Variants in CACNA2D1 observed in about 807,000 individuals in gnomAD.
The protein encoded by CACNA2D1 is calcium voltage-gated channel auxiliary subunit alpha2delta 1, also known as voltage-dependent calcium channel subunit alpha-2/delta-1.
CACNA2D1 carries 53 observed loss-of-function variants against 171.5 expected under a neutral mutation model. The observed-to-expected ratio is 0.31, with a 90% confidence interval of 0.25 to 0.39. The LOEUF is 0.39. Ranked by LOEUF, CACNA2D1 falls within the 10% of genes least tolerant of loss-of-function variation. The probability of loss-of-function intolerance (pLI) is 1.00; values close to 1 mark genes in which losing one functional copy is unlikely to be tolerated. For synonymous variants in CACNA2D1, 442 were observed against 443.1 expected (o/e 1.00, Z 0.03); for missense variants, 903 against 1,299.8 (o/e 0.69, Z 4.69).
At chr7:82,263,029 A>C (rs1807330561) in intron 3 of CACNA2D1, among the ~76,000 whole-genome samples, 1 of 151,596 alleles carries the variant, frequency 6.6e-6, no homozygotes, top group East Asian at 1.9e-4. Context: ...CATTGAACCT[A>C]AGCATAAAAA....
chr7:82,166,933 G>T (rs1481841574), intron 4 of CACNA2D1, among the ~76,000 whole-genome samples: 6 of 152,010 alleles, frequency 3.9e-5, no homozygotes, highest in Non-Finnish European at 8.8e-5. Flanking sequence ...TTTGCCTTTT[G>T]TTCTTGTTGT....
At chr7:82,382,698 C>T (rs747761117) in intron 1 of CACNA2D1, among the ~76,000 whole-genome samples, 1 of 152,146 alleles carries the variant, frequency 6.6e-6, no homozygotes, top group African/African-American at 2.4e-5. Context: ...CTCCATAATG[C>T]GCTTTGTGAA....
intron 3 of CACNA2D1, among the ~76,000 whole-genome samples, chr7:82,186,457 A>G (rs1288339614): frequency 6.6e-6 from 1 of 152,126 alleles, no homozygotes; most frequent in Non-Finnish European, 1.5e-5. Flanking sequence ...CAAGGAAATG[A>G]CACTTCGATG....
intron 10 of CACNA2D1, among the ~76,000 whole-genome samples, chr7:82,041,262 T>G (rs1053347902): frequency 6.6e-6 from 1 of 151,678 alleles, no homozygotes. Context: ...ATGCAGGAAA[T>G]AGAAGAGAGG....
intron 6 of CACNA2D1, among the ~76,000 whole-genome samples, chr7:82,089,297 C>T (rs7800392): frequency 0.15 from 22,995 of 152,112 alleles, 2,072 homozygotes; most frequent in Middle Eastern, 0.24. Flanking sequence ...AACCTACTAC[C>T]AGTTGCTGAC....
intron 3 of CACNA2D1, among the ~76,000 whole-genome samples, chr7:82,198,691 T>C (rs1296696748): frequency 6.6e-6 from 1 of 151,104 alleles, no homozygotes; most frequent in Non-Finnish European, 1.5e-5. Context: ...TTTAAGTGGA[T>C]ACCCTTGCTT....
intron 6 of CACNA2D1, among the ~76,000 whole-genome samples, chr7:82,097,699 C>T (rs181047234): frequency 6.6e-6 from 1 of 152,188 alleles, no homozygotes; most frequent in East Asian, 1.9e-4. Flanking sequence ...TGCATCTTAG[C>T]CATGAAGTGT....
intron 3 of CACNA2D1, among the ~76,000 whole-genome samples, chr7:82,201,659 C>A (rs912823441): frequency 1.3e-5 from 2 of 152,160 alleles, no homozygotes; most frequent in Non-Finnish European, 2.9e-5. Context: ...TGAACAGAGG[C>A]TCCTCAGAGG....
At chr7:82,138,259 A>C (rs1054208041) in intron 4 of CACNA2D1, among the ~76,000 whole-genome samples, 1 of 152,146 alleles carries the variant, frequency 6.6e-6, no homozygotes, top group African/African-American at 2.4e-5. Flanking sequence ...AAAATGATAT[A>C]AATATCACAG....
At position 82,219,793 on chromosome 7, in the gene CACNA2D1, C is replaced by A. The variant is rs890630902; in HGVS notation, c.295-49184G>T. Among the ~76,000 whole-genome samples the A allele has an allele frequency of 2.0e-5, 3 of 152,002 alleles. No individual in the cohort carries two copies. In the East Asian group the frequency reaches 5.8e-4, roughly 29 times the overall value. On this transcript the variant is annotated intron_variant, in intron 3 of 38. Transcript: ENST00000356860. ...TATCTAAGCACATTTCTCATCTATG[C>A]CTTATGATTTAGTTTTATCTTATTC...
rs1346875167 is a variant in CACNA2D1, at chr7:81,946,467, T to G, written c.*3925A>C. 6.6e-6 allele frequency: 1 copy of G among 152,168 alleles called. No individual in the cohort carries two copies. The highest frequency in any genetic ancestry group is 2.4e-5 in the African/African-American group (1 of 41,454). 9.4% of individuals were successfully genotyped at this position (152,168 alleles called of 1,614,324 possible). A position where few individuals can be genotyped will look rare whatever the true frequency, so the allele number is the denominator to read the frequency against. ...GGTGACTTTAAATGATAAACTTTTATTCTGAATATACTGTTTTTGCACAAG... is the reference window on the plus strand; with the variant it reads ...GGTGACTTTAAATGATAAACTTTTAGTCTGAATATACTGTTTTTGCACAAG... On this transcript the variant is annotated 3_prime_UTR_variant, in exon 39 of 39. Coordinates refer to ENST00000356860, the MANE Select transcript of CACNA2D1 (RefSeq NM_000722.4).
intron 1 of CACNA2D1, among the ~76,000 whole-genome samples, chr7:82,442,908 G>C (rs1338295415): frequency 6.6e-6 from 1 of 152,206 alleles, no homozygotes; most frequent in African/African-American, 2.4e-5. Flanking sequence ...GAGCATCTCC[G>C]AGGCCAAGTG....
intron 10 of CACNA2D1, among the ~76,000 whole-genome samples, chr7:82,048,351 A>G (rs1349455183): frequency 6.6e-6 from 1 of 152,158 alleles, no homozygotes; most frequent in Non-Finnish European, 1.5e-5. Context: ...AAAGTGTGCA[A>G]TAAACATGGA....
intron 1 of CACNA2D1, among the ~76,000 whole-genome samples, chr7:82,398,287 T>C (rs942147207): frequency 1.3e-5 from 2 of 152,200 alleles, no homozygotes; most frequent in Admixed American, 6.5e-5. Flanking sequence ...TCAACAACTT[T>C]ACTACTCCCT....
At chr7:81,973,534 G>T (rs1208617610) in intron 25 of CACNA2D1, among the ~76,000 whole-genome samples, 1 of 151,716 alleles carries the variant, frequency 6.6e-6, no homozygotes, top group Non-Finnish European at 1.5e-5. Flanking sequence ...CTAATAGAAA[G>T]ATAAATAATT....
chr7:82,218,144 C>T (rs1361497269), intron 3 of CACNA2D1, among the ~76,000 whole-genome samples: 2 of 151,972 alleles, frequency 1.3e-5, no homozygotes, highest in African/African-American at 4.8e-5. Flanking sequence ...CCGTGTTGGA[C>T]AGGATGGTCT....
intron 6 of CACNA2D1, among the ~76,000 whole-genome samples, chr7:82,106,274 T>C (rs1177322376): frequency 1.3e-5 from 2 of 152,134 alleles, no homozygotes; most frequent in African/African-American, 4.8e-5. Context: ...TCATCTCAAA[T>C]TCCAGACCCC....
intron 1 of CACNA2D1, among the ~76,000 whole-genome samples, chr7:82,420,572 A>G (rs1352806404): frequency 1.3e-5 from 2 of 152,196 alleles, no homozygotes; most frequent in Non-Finnish European, 2.9e-5. Context: ...AAAGCATGAG[A>G]AAAGTATTCA....
chr7:81,997,458 A>C lies in CACNA2D1; in HGVS notation c.1591-208T>G, dbSNP rs182248663. Reference sequence around the variant, plus strand: ...TTGAGCTTTAAGTGCAGGAAATCTTAATAAGCAAGTGAAGACAGTGTCATT... The same window carrying C: ...TTGAGCTTTAAGTGCAGGAAATCTTCATAAGCAAGTGAAGACAGTGTCATT... On this transcript the variant is annotated intron_variant, in intron 18 of 38. Coordinates refer to ENST00000356860, the MANE Select transcript of CACNA2D1 (RefSeq NM_000722.4). Among the ~76,000 whole-genome samples the C allele has an allele frequency of 7.1e-3, 1,071 of 151,256 alleles. 16 individuals are homozygous for C. The highest frequency in any genetic ancestry group is 8.5e-3 in the Non-Finnish European group (574 of 67,762).
Sources: gnomAD v4.1 joint callset for allele counts (sites outside exome capture counted in the v4.1 genomes callset) on GRCh38, gnomAD v4.1.1 for gene constraint, MANE v1.5 for transcripts, NCBI Gene and HGNC (gene_info 2026-07-23, HGNC 2026-07-21) for gene names.